Variants in TARS3 observed in about 807,000 individuals in gnomAD.
TARS3 encodes the protein threonyl-tRNA synthetase 3.
A neutral mutation model predicts 103.5 loss-of-function variants in TARS3; 94 were observed. The ratio of observed to expected loss-of-function variants is 0.91; its 90% CI spans 0.77 to 1.08. The LOEUF (loss-of-function observed/expected upper bound fraction) is 1.08, where lower values mean the gene tolerates loss of function less well. TARS3 is among the 50% of genes least tolerant of loss of function. TARS3 has a pLI of 0.00. For missense variants in TARS3, 952 were observed against 995.2 expected (o/e 0.96, Z 0.58); for synonymous variants, 416 against 355.4 (o/e 1.17, Z -1.92).
At chr15:101,714,229 T>C (rs1900015758) in intron 4 of TARS3, among the ~76,000 whole-genome samples, 2 of 152,156 alleles carry the variant, frequency 1.3e-5, no homozygotes, top group African/African-American at 4.8e-5. Flanking sequence ...AGACCCATTT[T>C]TAATGGCCTA....
intron 13 of TARS3, among the ~76,000 whole-genome samples, chr15:101,674,706 TGAG>T (rs941091773): frequency 3.3e-5 from 5 of 151,160 alleles, no homozygotes; most frequent in Non-Finnish European, 5.9e-5. Flanking sequence ...CTCGGGACGC[TGAG>T]GAGGAGAATG....
chr15:101,662,458 CAATA>C, intron 15 of TARS3, among the ~76,000 whole-genome samples: 1 of 151,910 alleles, frequency 6.6e-6, no homozygotes, highest in African/African-American at 2.4e-5. Flanking sequence ...GCTACTACTA[CAATA>C]AATGAAACAA....
chr15:101,713,196 G>A (rs117597916), intron 4 of TARS3, among the ~76,000 whole-genome samples: 1 of 152,340 alleles, frequency 6.6e-6, no homozygotes, highest in Non-Finnish European at 1.5e-5. Flanking sequence ...AAAAGGAGAT[G>A]AACAGGGCTC....
chr15:101,716,342 G>A (rs1031503273), intron 3 of TARS3, among the ~76,000 whole-genome samples: 7 of 151,808 alleles, frequency 4.6e-5, no homozygotes, highest in African/African-American at 1.7e-4. Context: ...AAGGAAACCT[G>A]GAAAGCACAG....
At chr15:101,664,422 A>T (rs779795601) in intron 15 of TARS3, 2 of 152,210 alleles carry the variant, frequency 1.3e-5, no homozygotes, top group Non-Finnish European at 1.5e-5. Context: ...TACTAACTCC[A>T]CTGTACCAAT....
rs1169682098 is a variant in TARS3, at chr15:101,724,120, G to A, written c.268C>T (p.Leu90=). ...SRQATLESAE[L]EAAQEAGAQP... ...GCGCCGGCCTCCTGCGCCGCCTCTA[G>A]CTCCGCGCTCTCCAGCGTGGCCTGG... is the stretch of plus-strand genomic sequence containing the variant. Residue 90 remains leucine, a synonymous_variant, in exon 1 of 19, where the codon CTA becomes TTA. Coordinates refer to ENST00000335968, the MANE Select transcript of TARS3 (RefSeq NM_152334.3). The A allele has an allele frequency of 7.1e-7, 1 of 1,410,870 alleles. No homozygotes were observed. 87.4% of individuals were successfully genotyped at this position (1,410,870 alleles called of 1,614,324 possible). A position where few individuals can be genotyped will look rare whatever the true frequency, so the allele number is the denominator to read the frequency against.
In TARS3 at chr15:101,654,620, T is replaced by G; in HGVS notation, c.2371A>C (p.Arg791=). 1.2e-6 allele frequency: 2 copies of G among 1,614,160 alleles called. No homozygotes were observed. The highest frequency in any genetic ancestry group is 1.7e-6 in the Non-Finnish European group (2 of 1,180,020). The change falls in exon 19 of 19, where the codon AGG becomes CGG. Residue 791 remains arginine, a synonymous_variant. Transcript: ENST00000335968. ...TCAGCATTGAGTGTCCGTGTCTTCCTGAGATTCTTCAGTTTATCAATGGCA... is the reference window on the plus strand; with the variant it reads ...TCAGCATTGAGTGTCCGTGTCTTCCGGAGATTCTTCAGTTTATCAATGGCA... The part of the protein sequence containing the change: ...TSAIDKLKNL[R]KTRTLNAEEA...
chr15:101,709,235 G>A (rs1222538958), intron 5 of TARS3, among the ~76,000 whole-genome samples: 1 of 152,190 alleles, frequency 6.6e-6, no homozygotes, highest in East Asian at 1.9e-4. Flanking sequence ...CTTTAGTTTT[G>A]CTCAAGAGCC....
chr15:101,715,071 T>A, intron 3 of TARS3, 108 bp from the exon 4 acceptor site: 2 of 1,096,548 alleles, frequency 1.8e-6, no homozygotes, highest in Non-Finnish European at 2.5e-6. Context: ...GTATAAAAAG[T>A]ACAAACATAA....
chr15:101,661,778 T>A lies in TARS3; in HGVS notation c.2006A>T (p.His669Leu), dbSNP rs373915281. Reference protein sequence around the residue: ...GDDKKRPVIIHRAILGSVERM... With the variant: ...GDDKKRPVIILRAILGSVERM... ...TTCCACTGATCCCAAAATGGCTCGA[T>A]GAATGATCACAGGTCTCTTCTTATC... is the stretch of plus-strand genomic sequence containing the variant. Residue 669 changes from histidine (H) to leucine (L), a missense_variant, in exon 16 of 19, where the codon CAT (histidine) becomes CTT (leucine). Physicochemically the swap from His to Leu is moderately conservative, Grantham distance 99. Around this residue, in one of 2 missense-constraint regions of TARS3, gnomAD observed 540 missense variants for 631.0 expected, o/e 0.86. Transcript: ENST00000335968. 1.2e-6 allele frequency: 2 copies of A among 1,607,840 alleles called. No homozygotes were observed. Among genetic ancestry groups the A allele is most frequent in the Non-Finnish European group, 1.7e-6 (2 of 1,176,854 alleles).
chr15:101,696,253 G>A (rs952577092), intron 10 of TARS3, among the ~76,000 whole-genome samples: 10 of 145,980 alleles, frequency 6.9e-5, no homozygotes, highest in Non-Finnish European at 1.3e-4. Context: ...AGTGGGGCAC[G>A]TTTATCTTTA....
In TARS3 at chr15:101,724,101, G is replaced by T; in HGVS notation, c.287C>A (p.Ala96Asp). ...ESAELEAAQE[A>D]GAQPPPSQSQ... ...CCACCGCCCGGTTACCTGTGCGCCG[G>T]CCTCCTGCGCCGCCTCTAGCTCCGC... The change falls in exon 1 of 19, where the codon GCC (alanine) becomes GAC (aspartate). Residue 96 changes from alanine (A) to aspartate (D), a missense_variant. By Grantham distance (126) the Ala-to-Asp change is moderately radical. Around this residue, in one of 2 missense-constraint regions of TARS3, gnomAD observed 412 missense variants for 364.2 expected, o/e 1.13. Coordinates refer to ENST00000335968, the MANE Select transcript of TARS3 (RefSeq NM_152334.3). 7 of 1,363,356 alleles carry T rather than the reference G, an allele frequency of 5.1e-6. No homozygotes were observed. The highest frequency in any genetic ancestry group is 6.6e-6 in the Non-Finnish European group (7 of 1,059,170). The allele number at this position is 1,363,356 out of a possible 1,614,324, so 84.5% of individuals were successfully genotyped here. A position where few individuals can be genotyped will look rare whatever the true frequency, so the allele number is the denominator to read the frequency against.
chr15:101,687,679 A>C (rs1455539688), intron 10 of TARS3, among the ~76,000 whole-genome samples: 1 of 152,176 alleles, frequency 6.6e-6, no homozygotes, highest in Non-Finnish European at 1.5e-5. Flanking sequence ...AATGATTTTA[A>C]ACTATCCCTG....
At chr15:101,659,112 A>T (rs562412552) in intron 16 of TARS3, among the ~76,000 whole-genome samples, 1 of 152,336 alleles carries the variant, frequency 6.6e-6, no homozygotes, top group African/African-American at 2.4e-5. Context: ...TCTTAGAACA[A>T]CATGCGAACC....
rs186787086 is a variant in TARS3, at chr15:101,674,800, G to A, written c.1788+800C>T. On this transcript the variant is annotated intron_variant, in intron 13 of 18. Coordinates refer to ENST00000335968, the MANE Select transcript of TARS3 (RefSeq NM_152334.3). ...AACCTGAGCAACAGAGCAAGACTCC[G>A]TCTCAAAAAAAAAAAGAAAAAAAGA... is the stretch of plus-strand genomic sequence containing the variant. 6.7e-3 allele frequency among the ~76,000 whole-genome samples: 1,001 copies of A among 149,046 alleles called. 13 individuals are homozygous for A. Among genetic ancestry groups the A allele is most frequent in the African/African-American group, 0.023 (927 of 40,300 alleles).
chr15:101,684,034 C>CA, intron 12 of TARS3, 41 bp downstream of exon 12: 1 of 1,585,564 alleles, frequency 6.3e-7, no homozygotes, highest in Non-Finnish European at 8.6e-7. Flanking sequence ...GCATCACACT[C>CA]AATTTGTGAC....
rs191127839 is a variant in TARS3 at position 101,657,392 on chromosome 15, G to A, written c.2146-356C>T. On this transcript the variant is annotated intron_variant, in intron 17 of 18. Transcript: ENST00000335968. Reference sequence around the variant, plus strand: ...GCTGACAGCCTGACTGCAGCCCCAGGAGACGCTCTGCGCCAGAATCCACCA... The same window carrying A: ...GCTGACAGCCTGACTGCAGCCCCAGAAGACGCTCTGCGCCAGAATCCACCA... Among the ~76,000 whole-genome samples, 52 of 152,352 alleles carry A rather than the reference G, an allele frequency of 3.4e-4. 2 individuals carry two copies. The East Asian group carries it at 9.0e-3, about 27-fold the overall frequency.
chr15:101,696,187 G>T (rs537789237), intron 10 of TARS3: 1 of 134,434 alleles, frequency 7.4e-6, no homozygotes, highest in African/African-American at 2.9e-5. Flanking sequence ...CTCCAGCCTG[G>T]GCAACAGAGC....
intron 16 of TARS3, among the ~76,000 whole-genome samples, chr15:101,660,579 T>G (rs1187596076): frequency 6.6e-6 from 1 of 152,242 alleles, no homozygotes; most frequent in Non-Finnish European, 1.5e-5. Context: ...CTCTCTTCAG[T>G]GAGAATGAGG....
Sources: gnomAD v4.1 joint callset for allele counts (sites outside exome capture counted in the v4.1 genomes callset) on GRCh38, gnomAD v4.1.1 for gene constraint, gnomAD v4.1.1 regional missense constraint, MANE v1.5 for transcripts, NCBI Gene and HGNC (gene_info 2026-07-23, HGNC 2026-07-21) for gene names.